The following DDHD1 variants were observed in gnomAD, a reference collection of about 807,000 sequenced individuals.
DDHD1 encodes the protein phospholipase DDHD1.
Under a neutral mutation model 96.4 loss-of-function variants are expected in DDHD1, and 49 were observed. The observed-to-expected ratio is 0.51, with a 90% CI of 0.40 to 0.64. DDHD1 has a LOEUF of 0.64. DDHD1 is among the 30% of genes least tolerant of loss of function. DDHD1 has a pLI of 0.00. For missense variants in DDHD1, 1,106 were observed against 1,161.2 expected, an observed-to-expected ratio of 0.95 and a Z score of 0.69; for synonymous variants, 442 against 446.5, an observed-to-expected ratio of 0.99 and a Z score of 0.13.
In DDHD1 at chr14:53,041,305, C is replaced by G. The variant is rs1287147016; in HGVS notation, c.*5463G>C. 6.6e-6 allele frequency: 1 copy of G among 152,074 alleles called. No homozygotes were observed. The highest frequency in any genetic ancestry group is 1.5e-5 in the Non-Finnish European group (1 of 68,012). 9.4% of individuals were successfully genotyped at this position (152,074 alleles called of 1,614,324 possible). On this transcript the variant is annotated 3_prime_UTR_variant, in exon 13 of 13. Coordinates refer to ENST00000673822, the MANE Select transcript of DDHD1 (RefSeq NM_001160148.2). The stretch of plus-strand genomic sequence containing the variant: ...GGTAGCAGACAATACTAAGCATGCA[C>G]CCGCCCTTATACAAACACAAAGGCA...
intron 1 of DDHD1, among the ~76,000 whole-genome samples, chr14:53,114,578 C>T (rs774815310): frequency 6.6e-6 from 1 of 152,228 alleles, no homozygotes; most frequent in Non-Finnish European, 1.5e-5. Context: ...GCTTCCACTG[C>T]AGGTCAACAG....
intron 12 of DDHD1, chr14:53,048,645 G>C (rs1341335340): frequency 6.6e-6 from 1 of 152,112 alleles, no homozygotes; most frequent in African/African-American, 2.4e-5. Context: ...GGCCTGGACT[G>C]CATTTTTAAA....
intron 5 of DDHD1, 81 bp from the exon 6 acceptor site, chr14:53,072,784 G>T: frequency 1.3e-6 from 1 of 777,360 alleles, no homozygotes; most frequent in Non-Finnish European, 2.0e-6. Flanking sequence ...AAATTACGTT[G>T]CCTGAAATAG....
At chr14:53,149,737 G>C (rs1891222228) in intron 1 of DDHD1, 1 of 152,172 alleles carries the variant, frequency 6.6e-6, no homozygotes, top group Non-Finnish European at 1.5e-5. Flanking sequence ...TGGCCTAATG[G>C]CTATTTGCTT....
chr14:53,069,329 T>G (rs1884316306), intron 6 of DDHD1, among the ~76,000 whole-genome samples: 1 of 152,208 alleles, frequency 6.6e-6, no homozygotes, highest in African/African-American at 2.4e-5. Flanking sequence ...AGGAAATACA[T>G]GCATGAACAG....
chr14:53,127,188 T>C (rs1429909577), intron 1 of DDHD1, among the ~76,000 whole-genome samples: 3 of 152,180 alleles, frequency 2.0e-5, no homozygotes. Context: ...AGCAATAAAG[T>C]TGAGTGAGGA....
rs200471838 is a variant in DDHD1, at chr14:53,058,435, A to T, written c.1992+42T>A. ...CAGCTGATAGATTCTTTTTAGGAAC[A>T]ATTTGACATTGAGAAAAAAAAGAGT... On this transcript the variant is annotated intron_variant, in intron 9 of 12. Coordinates refer to ENST00000673822, the MANE Select transcript of DDHD1 (RefSeq NM_001160148.2). 1.7e-4 allele frequency: 269 copies of T among 1,570,660 alleles called. 3 individuals carry two copies. In the Middle Eastern group the frequency reaches 6.6e-3, roughly 39 times the overall value.
intron 1 of DDHD1, among the ~76,000 whole-genome samples, chr14:53,134,047 T>A (rs1305527183): frequency 6.6e-6 from 1 of 152,182 alleles, no homozygotes; most frequent in Non-Finnish European, 1.5e-5. Flanking sequence ...CATTTCTGAA[T>A]AACAGTAATA....
intron 1 of DDHD1, among the ~76,000 whole-genome samples, chr14:53,145,583 C>T (rs899791232): frequency 4.0e-5 from 6 of 150,926 alleles, no homozygotes; most frequent in African/African-American, 1.5e-4. Context: ...AAAGGATATC[C>T]TGCATCAATG....
chr14:53,093,137 C>T, intron 3 of DDHD1, 179 bp downstream of exon 3: 5 of 437,208 alleles, frequency 1.1e-5, no homozygotes, highest in South Asian at 6.2e-5. Flanking sequence ...ATAATTATTC[C>T]TTGATGAACA....
Position 53,152,954 on chromosome 14 carries a change from G to A in DDHD1, c.145C>T (p.Pro49Ser), listed in dbSNP as rs768936443. The A allele has an allele frequency of 1.6e-5, 26 of 1,589,590 alleles. 1 individual carries two copies. In the South Asian group the frequency reaches 2.5e-4, roughly 15 times the overall value. Residue 49 changes from proline to serine, a missense_variant, in exon 1 of 13, where the codon CCG becomes TCG. Pro to Ser is a moderately conservative substitution (Grantham distance 74). Around this residue, in one of 2 missense-constraint regions of DDHD1, gnomAD observed 456 missense variants for 402.4 expected, o/e 1.13. Transcript: ENST00000673822. ...CCFEHLPGGD[P>S]DDGDVPLALL... is the part of the protein sequence containing the mutation. The stretch of plus-strand genomic sequence containing the variant: ...GCCAGGGGCACGTCGCCGTCGTCCG[G>A]GTCCCCGCCGGGCAGGTGCTCGAAG...
chr14:53,066,248 T>C (rs1407281540), intron 6 of DDHD1, among the ~76,000 whole-genome samples: 1 of 152,088 alleles, frequency 6.6e-6, no homozygotes, highest in Non-Finnish European at 1.5e-5. Context: ...GCCTCCCAGG[T>C]TCAAGTGCTT....
chr14:53,064,701 C>T (rs1417114492), intron 6 of DDHD1, among the ~76,000 whole-genome samples: 2 of 152,038 alleles, frequency 1.3e-5, no homozygotes, highest in Non-Finnish European at 2.9e-5. Flanking sequence ...AGAGAAATGG[C>T]CTTTGTATTT....
intron 1 of DDHD1, among the ~76,000 whole-genome samples, chr14:53,120,641 G>A (rs921256456): frequency 6.6e-6 from 1 of 151,936 alleles, no homozygotes; most frequent in East Asian, 1.9e-4. Flanking sequence ...AGAAATAGCA[G>A]CACACATCTA....
chr14:53,138,072 A>G (rs544468162), intron 1 of DDHD1, among the ~76,000 whole-genome samples: 4 of 152,356 alleles, frequency 2.6e-5, no homozygotes, highest in Non-Finnish European at 5.9e-5. Context: ...TTTCAAAACT[A>G]AGAGAAATAG....
At chr14:53,055,562 C>G in intron 10 of DDHD1, 98 bp downstream of exon 10, 1 of 1,215,274 alleles carries the variant, frequency 8.2e-7, no homozygotes, top group Non-Finnish European at 1.2e-6. Context: ...GGATTAACTG[C>G]TGGGAGTTTC....
intron 1 of DDHD1, among the ~76,000 whole-genome samples, chr14:53,151,832 C>T (rs1255046567): frequency 6.6e-6 from 1 of 152,214 alleles, no homozygotes; most frequent in Non-Finnish European, 1.5e-5. Context: ...GCTGTTGATT[C>T]TCGAGCAGAT....
chr14:53,126,609 C>T (rs1172973960), intron 1 of DDHD1, among the ~76,000 whole-genome samples: 9 of 152,184 alleles, frequency 5.9e-5, no homozygotes, highest in Admixed American at 5.9e-4. Context: ...CTCAAGCAAT[C>T]CATCCACCTT....
intron 1 of DDHD1, among the ~76,000 whole-genome samples, chr14:53,106,683 G>A (rs989693080): frequency 5.9e-5 from 9 of 152,054 alleles, no homozygotes; most frequent in African/African-American, 2.2e-4. Flanking sequence ...GGAATCTGAT[G>A]TCAGCCTGAT....
Sources: allele counts gnomAD v4.1 joint callset (sites outside exome capture counted in the v4.1 genomes callset), GRCh38; gene constraint gnomAD v4.1.1; regional missense constraint gnomAD v4.1.1; transcripts MANE v1.5; gene names NCBI Gene and HGNC (gene_info 2026-07-23, HGNC 2026-07-21).